The following ZMAT1 variants were observed in gnomAD, a reference collection of about 807,000 sequenced individuals.
The protein encoded by ZMAT1 is zinc finger matrin-type protein 1.
ZMAT1 carries 11 observed loss-of-function variants against 18.5 expected under a neutral mutation model. That is an observed-to-expected ratio of 0.59 (90% CI 0.37 to 0.98). ZMAT1 has a LOEUF of 0.98. ZMAT1 is among the 50% of genes least tolerant of loss of function. ZMAT1 has a pLI of 0.01. For missense variants in ZMAT1, 525 were observed against 496.2 expected, an observed-to-expected ratio of 1.06 and a Z score of -0.55; for synonymous variants, 211 against 176.4, an observed-to-expected ratio of 1.20 and a Z score of -1.55.
intron 4 of ZMAT1, chrX:101,892,846 G>A: frequency 2.5e-6 from 1 of 403,515 alleles, no homozygotes; most frequent in Non-Finnish European, 3.1e-6. Context: ...ATAGCAGATG[G>A]AGAGGAAGGC....
chrX:101,884,852 A>T, intron 5 of ZMAT1, 31 bp from the exon 6 acceptor site: 1 of 828,452 alleles, frequency 1.2e-6, no homozygotes, highest in Non-Finnish European at 1.7e-6. Flanking sequence ...AATTGTTATT[A>T]GATTATTTTA....
chrX:101,920,701 T>A (rs1439189404), intron 1 of ZMAT1, among the ~76,000 whole-genome samples: 1 of 112,350 alleles, frequency 8.9e-6, no homozygotes, highest in Non-Finnish European at 1.9e-5. Flanking sequence ...ATGGTTTATA[T>A]CTACTCATAT....
At chrX:101,905,968 G>T (rs745727230) in intron 1 of ZMAT1, among the ~76,000 whole-genome samples, 2 of 110,493 alleles carry the variant, frequency 1.8e-5, no homozygotes, top group African/African-American at 3.3e-5. Context: ...CATTCAAGAA[G>T]GTAGGAAAGA....
chrX:101,889,844 T>C (rs936849584), intron 4 of ZMAT1: 1 of 111,961 alleles, frequency 8.9e-6, no homozygotes, highest in African/African-American at 3.2e-5. Context: ...TTTACTTATA[T>C]AACGAACCTT....
chrX:101,913,588 AAAG>A (rs1319069708), intron 1 of ZMAT1, among the ~76,000 whole-genome samples: 1 of 112,113 alleles, frequency 8.9e-6, no homozygotes, highest in Non-Finnish European at 1.9e-5. Context: ...AAGAAGAGAC[AAAG>A]AAGGACACTA....
At chrX:101,915,562 T>C (rs955017060) in intron 1 of ZMAT1, 1 of 111,661 alleles carries the variant, frequency 9.0e-6, no homozygotes, top group Non-Finnish European at 1.9e-5. Context: ...ATGAACAATC[T>C]GAAAAAGAAA....
intron 4 of ZMAT1, among the ~76,000 whole-genome samples, chrX:101,896,461 T>G (rs1343030850): frequency 3.6e-5 from 4 of 112,269 alleles, no homozygotes; most frequent in Non-Finnish European, 5.6e-5. Context: ...TCTGTCTATC[T>G]TTTGAATGAC....
chrX:101,931,587 T>C, intron 1 of ZMAT1, 130 bp downstream of exon 1: 1 of 677,190 alleles, frequency 1.5e-6, no homozygotes, highest in African/African-American at 3.1e-5. Flanking sequence ...CGGGGCGAGC[T>C]TGGCCTTTAC....
chrX:101,884,524 A>G lies in ZMAT1; in HGVS notation c.1074T>C (p.Tyr358=). The part of the protein sequence containing the change: ...EKQLPHSKKT[Y]DSFQDELEDY... Reference sequence around the variant, plus strand: ...CTTCAAGTTCATCTTGGAAAGAGTCATATGTCTTCTTTGAATGAGGTAACT... The same window carrying G: ...CTTCAAGTTCATCTTGGAAAGAGTCGTATGTCTTCTTTGAATGAGGTAACT... The change falls in exon 6 of 6, where the codon TAT becomes TAC. Residue 358 remains tyrosine, a synonymous_variant. Transcript: ENST00000651725. 8.3e-7 allele frequency: 1 copy of G among 1,209,021 alleles called. No homozygotes were observed. Among genetic ancestry groups the G allele is most frequent in the South Asian group, 1.8e-5 (1 of 56,900 alleles).
chrX:101,914,413 T>G (rs1169904817), intron 1 of ZMAT1, among the ~76,000 whole-genome samples: 1 of 110,357 alleles, frequency 9.1e-6, no homozygotes, highest in Non-Finnish European at 1.9e-5. Flanking sequence ...AAAAGCTGGG[T>G]TTTTTTTGAA....
intron 1 of ZMAT1, among the ~76,000 whole-genome samples, chrX:101,913,309 A>G (rs1444852329): frequency 9.0e-6 from 1 of 111,578 alleles, no homozygotes; most frequent in African/African-American, 3.3e-5. Context: ...GGAAACAAAA[A>G]TCAAAAGGGA....
At chrX:101,892,882 G>C (rs1401832135) in intron 4 of ZMAT1, 1 of 177,696 alleles carries the variant, frequency 5.6e-6, no homozygotes, top group African/African-American at 3.1e-5. Flanking sequence ...GGTGATGAGT[G>C]AAACAGTTAA....
intron 1 of ZMAT1, among the ~76,000 whole-genome samples, chrX:101,930,160 T>G (rs1930390407): frequency 9.0e-6 from 1 of 111,170 alleles, no homozygotes; most frequent in African/African-American, 3.3e-5. Context: ...AAAAGCCATA[T>G]TTTTTTTTCC....
intron 1 of ZMAT1, among the ~76,000 whole-genome samples, chrX:101,929,455 A>AT (rs1930328550): frequency 2.3e-5 from 2 of 87,520 alleles, no homozygotes; most frequent in African/African-American, 9.9e-5. Flanking sequence ...ATATATATAT[A>AT]TACACACAGA....
chrX:101,894,237 G>C (rs1927638869), intron 4 of ZMAT1, among the ~76,000 whole-genome samples: 1 of 111,331 alleles, frequency 9.0e-6, no homozygotes, highest in Admixed American at 9.6e-5. Context: ...GAGAGTCCTT[G>C]TTCTAACAAG....
chrX:101,884,305 T>C lies in ZMAT1; in HGVS notation c.1293A>G (p.Glu431=). The C allele has an allele frequency of 8.3e-7, 1 of 1,210,861 alleles. No homozygotes were observed. Among genetic ancestry groups the C allele is most frequent in the Non-Finnish European group, 1.1e-6 (1 of 895,151 alleles). The part of the protein sequence containing the change: ...YQRPYHISPV[E]SQLPQWLPTH... ...TTGGTAGCCACTGAGGTAACTGGCT[T>C]TCCACTGGTGAAATATGGTATGGTC... The change falls in exon 6 of 6, where the codon GAA becomes GAG. Residue 431 remains glutamate, a synonymous_variant. Coordinates refer to ENST00000651725, the MANE Select transcript of ZMAT1 (RefSeq NM_001394560.1).
At chrX:101,893,125 T>C (rs1927542169) in intron 4 of ZMAT1, among the ~76,000 whole-genome samples, 1 of 111,753 alleles carries the variant, frequency 8.9e-6, no homozygotes. Context: ...ATGCTGATGA[T>C]CATGCCCTCT....
intron 1 of ZMAT1, among the ~76,000 whole-genome samples, chrX:101,916,272 G>A (rs1250873509): frequency 9.0e-6 from 1 of 110,928 alleles, no homozygotes; most frequent in Non-Finnish European, 1.9e-5. Context: ...AGAGCATTAG[G>A]GCAAATAGCT....
At chrX:101,925,852 C>T (rs1030679846) in intron 1 of ZMAT1, among the ~76,000 whole-genome samples, 4 of 112,332 alleles carry the variant, frequency 3.6e-5, no homozygotes, top group South Asian at 3.6e-4. Context: ...GCCTGTCCTA[C>T]GCATTATAGG....
Sources: gnomAD v4.1 joint callset for allele counts (sites outside exome capture counted in the v4.1 genomes callset) on GRCh38, gnomAD v4.1.1 for gene constraint, MANE v1.5 for transcripts, NCBI Gene and HGNC (gene_info 2026-07-23, HGNC 2026-07-21) for gene names.